MAGI2: variants seen among roughly 807,000 people sequenced by gnomAD.
MAGI2 encodes membrane-associated guanylate kinase, WW and PDZ domain-containing protein 2.
A neutral mutation model predicts 133.3 loss-of-function variants in MAGI2; 35 were observed. The ratio of observed to expected loss-of-function variants is 0.26; its 90% CI spans 0.20 to 0.35. MAGI2 has a LOEUF of 0.35. MAGI2 is among the 10% of genes least tolerant of loss of function. The pLI is 1.00. For synonymous variants in MAGI2, 729 were observed against 710.6 expected (o/e 1.03, Z -0.41); for missense variants, 1,636 against 1,863.4 (o/e 0.88, Z 2.25).
intron 5 of MAGI2, among the ~76,000 whole-genome samples, chr7:78,493,649 A>AT (rs1793823185): frequency 2.0e-5 from 3 of 152,170 alleles, no homozygotes; most frequent in African/African-American, 7.2e-5. Flanking sequence ...AGTGGTCTGA[A>AT]ACCAGAGGCA....
At chr7:78,706,929 T>TG (rs1198307751) in intron 2 of MAGI2, among the ~76,000 whole-genome samples, 2 of 152,128 alleles carry the variant, frequency 1.3e-5, no homozygotes, top group Non-Finnish European at 2.9e-5. Context: ...CAACAGGCCT[T>TG]GGTGTGGAGG....
At chr7:78,375,021 T>C (rs1794306144) in intron 6 of MAGI2, among the ~76,000 whole-genome samples, 1 of 151,886 alleles carries the variant, frequency 6.6e-6, no homozygotes, top group Non-Finnish European at 1.5e-5. Flanking sequence ...TTTTGTATTT[T>C]TAGTAGAGAT....
intron 9 of MAGI2, among the ~76,000 whole-genome samples, chr7:78,321,941 C>T (rs1362633632): frequency 1.3e-5 from 2 of 152,094 alleles, no homozygotes; most frequent in African/African-American, 2.4e-5. Flanking sequence ...ACAACCCCCT[C>T]AAAAAGTGGG....
chr7:78,860,858 C>T (rs1794096423), intron 2 of MAGI2, among the ~76,000 whole-genome samples: 2 of 152,194 alleles, frequency 1.3e-5, no homozygotes, highest in African/African-American at 4.8e-5. Context: ...TCTACAGAGG[C>T]AGGCAGGCCT....
intron 3 of MAGI2, among the ~76,000 whole-genome samples, chr7:78,527,532 T>C (rs187783587): frequency 2.0e-4 from 31 of 152,358 alleles, no homozygotes; most frequent in African/African-American, 4.8e-4. Context: ...CCAGTCTTCA[T>C]TGAATGATAA....
At chr7:79,287,734 T>C (rs12111592) in intron 1 of MAGI2, among the ~76,000 whole-genome samples, 92,822 of 151,980 alleles carry the variant, frequency 0.61, 29,847 homozygotes, top group Non-Finnish European at 0.7. Context: ...GCTTCAGTTA[T>C]TTTTATCTAG....
At chr7:78,497,750 A>ATCTATCTGTCTGTCTGTCTGTCTGTCTG (rs1554442385) in intron 5 of MAGI2, among the ~76,000 whole-genome samples, 22 of 113,412 alleles carry the variant, frequency 1.9e-4, no homozygotes, top group African/African-American at 3.8e-4. Context: ...CTATCTATCT[A>ATCTATCTGTCTGTCTGTCTGTCTGTCTG]TCTATCTATC....
chr7:78,682,990 A>C (rs1815860684), intron 2 of MAGI2, among the ~76,000 whole-genome samples: 1 of 152,234 alleles, frequency 6.6e-6, no homozygotes, highest in African/African-American at 2.4e-5. Flanking sequence ...AATAATAAGT[A>C]GATTATTGCT....
chr7:78,275,654 CAATG>C (rs912507579), intron 9 of MAGI2, among the ~76,000 whole-genome samples: 9 of 152,106 alleles, frequency 5.9e-5, no homozygotes, highest in African/African-American at 1.7e-4. Flanking sequence ...ATAAAGAAAA[CAATG>C]AAAATGATTT....
chr7:78,974,078 A>G (rs977134157), intron 2 of MAGI2, among the ~76,000 whole-genome samples: 2 of 151,806 alleles, frequency 1.3e-5, no homozygotes, highest in Admixed American at 1.3e-4. Context: ...TTAGATTAGC[A>G]CCTACCTCTT....
chr7:79,357,673 G>A (rs1473392091), intron 1 of MAGI2, among the ~76,000 whole-genome samples: 3 of 152,092 alleles, frequency 2.0e-5, no homozygotes, highest in South Asian at 2.1e-4. Context: ...AGGGGCATAA[G>A]TCATCTATTT....
chr7:78,218,144 A>C (rs1788449299), intron 10 of MAGI2, among the ~76,000 whole-genome samples: 1 of 152,252 alleles, frequency 6.6e-6, no homozygotes. Context: ...GCTCTATTGC[A>C]TAGATGAGAG....
intron 2 of MAGI2, among the ~76,000 whole-genome samples, chr7:78,692,082 A>C (rs980699660): frequency 6.6e-5 from 10 of 152,206 alleles, no homozygotes; most frequent in Admixed American, 3.9e-4. Flanking sequence ...GTCTTTAAAA[A>C]AATCAGTGGT....
chr7:78,954,392 C>T (rs953068430), intron 2 of MAGI2, among the ~76,000 whole-genome samples: 2 of 151,926 alleles, frequency 1.3e-5, no homozygotes, highest in East Asian at 1.9e-4. Flanking sequence ...TGAAACTACT[C>T]GGAACTCCAA....
chr7:79,090,065 A>G (rs979635117), intron 1 of MAGI2, among the ~76,000 whole-genome samples: 1 of 152,084 alleles, frequency 6.6e-6, no homozygotes, highest in African/African-American at 2.4e-5. Flanking sequence ...TATGCCAGAG[A>G]ATCAATTGCA....
chr7:78,663,291 C>A (rs1344992488), intron 2 of MAGI2, among the ~76,000 whole-genome samples: 1 of 151,060 alleles, frequency 6.6e-6, no homozygotes, highest in Admixed American at 6.6e-5. Flanking sequence ...ACTGCAATAT[C>A]CGCCTCCCGG....
intron 14 of MAGI2, 30 bp downstream of exon 14, chr7:78,177,981 A>C: frequency 6.7e-7 from 1 of 1,494,484 alleles, no homozygotes; most frequent in South Asian, 1.1e-5. Flanking sequence ...ATACAGCCCC[A>C]AGCATGGAAA....
chr7:78,878,457 C>A (rs1291057459), intron 2 of MAGI2, among the ~76,000 whole-genome samples: 5 of 152,084 alleles, frequency 3.3e-5, no homozygotes, highest in Non-Finnish European at 7.4e-5. Context: ...TAATTAGTTT[C>A]CTGTATGTGG....
At chr7:79,440,662 A>G (rs1848437717) in intron 1 of MAGI2, among the ~76,000 whole-genome samples, 1 of 152,182 alleles carries the variant, frequency 6.6e-6, no homozygotes. Context: ...ATATTTTTCC[A>G]TTCCTATAAT....
Sources: gnomAD v4.1 joint callset for allele counts (sites outside exome capture counted in the v4.1 genomes callset) on GRCh38, gnomAD v4.1.1 for gene constraint, MANE v1.5 for transcripts, NCBI Gene and HGNC (gene_info 2026-07-23, HGNC 2026-07-21) for gene names.